HK1: variants seen among roughly 807,000 people sequenced by gnomAD.
HK1 encodes hexokinase-1.
Under a neutral mutation model 91.6 loss-of-function variants are expected in HK1, and 28 were observed. The ratio of observed to expected loss-of-function variants is 0.31; its 90% confidence interval spans 0.23 to 0.42. HK1 has a LOEUF of 0.42. Ranked by LOEUF, HK1 falls within the 10% of genes least tolerant of loss-of-function variation. HK1 has a pLI of 1.00. For missense variants in HK1, 770 were observed against 1,219.8 expected, an observed-to-expected ratio of 0.63 and a Z score of 5.49; for synonymous variants, 430 against 468.1, an observed-to-expected ratio of 0.92 and a Z score of 1.05.
upstream of HK1, among the ~76,000 whole-genome samples, chr10:69,314,579 G>A (rs963710521): frequency 1.3e-5 from 2 of 152,066 alleles, no homozygotes; most frequent in Admixed American, 1.3e-4. Context: ...CTATAGGGCT[G>A]GGCACAATGG....
chr10:69,271,830 A>G (rs1487744443), intron 1 of HK1, among the ~76,000 whole-genome samples: 1 of 151,790 alleles, frequency 6.6e-6, no homozygotes, highest in Non-Finnish European at 1.5e-5. Flanking sequence ...CATTTGCAAC[A>G]ACAGCATAGA....
At chr10:69,357,945 A>G (rs1849214473) in intron 2 of HK1, among the ~76,000 whole-genome samples, 1 of 152,188 alleles carries the variant, frequency 6.6e-6, no homozygotes, top group South Asian at 2.1e-4. Context: ...AACTCCGAAT[A>G]TACTAAAAAC....
intron 2 of HK1, among the ~76,000 whole-genome samples, chr10:69,283,964 T>C (rs1177938613): frequency 6.6e-6 from 1 of 152,148 alleles, no homozygotes; most frequent in Non-Finnish European, 1.5e-5. Context: ...AATTTGTAAC[T>C]GGGCCAAAGC....
At chr10:69,274,694 T>C (rs1190570845) in intron 1 of HK1, among the ~76,000 whole-genome samples, 1 of 152,118 alleles carries the variant, frequency 6.6e-6, no homozygotes, top group Non-Finnish European at 1.5e-5. Flanking sequence ...ACAACAATAT[T>C]ATAGGGTATC....
At chr10:69,338,670 T>C (rs1848127642) in intron 1 of HK1, 8 of 1,247,952 alleles carry the variant, frequency 6.4e-6, no homozygotes, top group Non-Finnish European at 8.2e-6. Context: ...GACAGGATTA[T>C]GGAGATGTGA....
intron 3 of HK1, among the ~76,000 whole-genome samples, chr10:69,293,855 C>CTTTTTTTTTT (rs34434447): frequency 2.0e-5 from 2 of 98,984 alleles, no homozygotes; most frequent in Non-Finnish European, 1.9e-5. Flanking sequence ...ATATTTCTTT[C>CTTTTTTTTTT]TTTTTTTTTT....
intron 4 of HK1, chr10:69,300,333 TA>T: frequency 2.5e-6 from 1 of 407,916 alleles, no homozygotes. Flanking sequence ...TTTAATATTT[TA>T]ATGTTGCTGC....
At chr10:69,391,133 G>A (rs976412292) in intron 14 of HK1, among the ~76,000 whole-genome samples, 2 of 152,188 alleles carry the variant, frequency 1.3e-5, no homozygotes, top group African/African-American at 2.4e-5. Flanking sequence ...GCATGTGTGC[G>A]GTGTGTGGGT....
chr10:69,320,409 C>T (rs1412335304), intron 1 of HK1, among the ~76,000 whole-genome samples: 1 of 152,096 alleles, frequency 6.6e-6, no homozygotes, highest in Non-Finnish European at 1.5e-5. Context: ...TGGCTTTAAG[C>T]ACTCTGGGGT....
At chr10:69,332,526 G>A (rs988043249) in intron 1 of HK1, among the ~76,000 whole-genome samples, 1 of 151,800 alleles carries the variant, frequency 6.6e-6, no homozygotes, top group African/African-American at 2.4e-5. Context: ...TTACAGGAGC[G>A]CCGCACCACA....
At chr10:69,321,781 A>C (rs1305999334) in intron 1 of HK1, among the ~76,000 whole-genome samples, 1 of 152,152 alleles carries the variant, frequency 6.6e-6, no homozygotes, top group African/African-American at 2.4e-5. Context: ...CAGGTGTCTG[A>C]CTTCCCAGCT....
At chr10:69,283,380 G>A (rs1246445727) in intron 2 of HK1, among the ~76,000 whole-genome samples, 1 of 149,348 alleles carries the variant, frequency 6.7e-6, no homozygotes, top group African/African-American at 2.5e-5. Flanking sequence ...CTTGGGCGCA[G>A]GAGGTCAAGG....
chr10:69,378,341 A>G (rs1043072686), intron 8 of HK1, among the ~76,000 whole-genome samples: 2 of 152,154 alleles, frequency 1.3e-5, no homozygotes, highest in African/African-American at 4.8e-5. Context: ...ACATCCTACA[A>G]GAGCAGATGT....
intron 16 of HK1, among the ~76,000 whole-genome samples, chr10:69,396,428 C>A (rs1840144191): frequency 6.6e-6 from 1 of 152,110 alleles, no homozygotes. Context: ...ACAGCTATCA[C>A]CACCATCCAT....
At chr10:69,360,085 C>T (rs749595288) in intron 3 of HK1, 40 bp downstream of exon 3, 1 of 1,603,814 alleles carries the variant, frequency 6.2e-7, no homozygotes, top group Non-Finnish European at 8.5e-7. Context: ...GTCGGGCCAG[C>T]ATCCCCTTGG....
chr10:69,318,372 G>A, upstream of HK1: 1 of 306,788 alleles, frequency 3.3e-6, no homozygotes, highest in Non-Finnish European at 4.8e-6. Context: ...GGCGTCCACC[G>A]GACTCCTAGG....
chr10:69,374,869 T>A (rs149872426), intron 7 of HK1, among the ~76,000 whole-genome samples: 7 of 152,322 alleles, frequency 4.6e-5, no homozygotes, highest in African/African-American at 1.7e-4. Flanking sequence ...CTTGTCACAC[T>A]GCCCAACAGG....
intron 4 of HK1, among the ~76,000 whole-genome samples, chr10:69,298,330 T>C (rs1250445971): frequency 6.6e-6 from 1 of 151,784 alleles, no homozygotes; most frequent in Admixed American, 6.6e-5. Flanking sequence ...GATTTCTGCA[T>C]AAAAAATGTG....
At chr10:69,284,753 C>G (rs1197042129) in intron 2 of HK1, among the ~76,000 whole-genome samples, 1 of 152,204 alleles carries the variant, frequency 6.6e-6, no homozygotes, top group East Asian at 1.9e-4. Context: ...ATTCTCCTGC[C>G]TCAGCCTCCA....
Sources: allele counts gnomAD v4.1 joint callset (sites outside exome capture counted in the v4.1 genomes callset), GRCh38; gene constraint gnomAD v4.1.1; transcripts MANE v1.5; gene names NCBI Gene and HGNC (gene_info 2026-07-23, HGNC 2026-07-21).